The following GSE1 variants were observed in gnomAD, a reference collection of about 807,000 sequenced individuals.
GSE1 encodes the protein genetic suppressor element 1.
A neutral mutation model predicts 112.6 loss-of-function variants in GSE1; 32 were observed. The ratio of observed to expected loss-of-function variants is 0.28; its 90% CI spans 0.21 to 0.38. The LOEUF (loss-of-function observed/expected upper bound fraction) is 0.38. Among genes scored for constraint, GSE1 ranks in the 10% least tolerant of loss-of-function variants. The pLI, the probability that GSE1 is intolerant of heterozygous loss-of-function variation, is 1.00. For synonymous variants in GSE1, 1,115 were observed against 735.6 expected (o/e 1.52, Z -8.35); for missense variants, 2,348 against 1,699.2 (o/e 1.38, Z -6.71).
At chr16:85,305,261 G>A (rs2045645763) in intron 1 of GSE1, among the ~76,000 whole-genome samples, 1 of 152,200 alleles carries the variant, frequency 6.6e-6, no homozygotes, top group African/African-American at 2.4e-5. Context: ...AATCTCTGAC[G>A]ATGGACCCTG....
intron 2 of GSE1, among the ~76,000 whole-genome samples, chr16:85,441,303 C>G (rs1032388043): frequency 6.6e-6 from 1 of 152,098 alleles, no homozygotes; most frequent in African/African-American, 2.4e-5. Context: ...GCCATTTGTC[C>G]GCTGGGGGGC....
At chr16:85,468,863 C>G (rs1422826926) in intron 2 of GSE1, among the ~76,000 whole-genome samples, 1 of 152,228 alleles carries the variant, frequency 6.6e-6, no homozygotes, top group African/African-American at 2.4e-5. Context: ...CCCCAAAATT[C>G]ACGTCTACCA....
At chr16:85,222,700 G>C (rs1341876767) in intron 1 of GSE1, among the ~76,000 whole-genome samples, 2 of 152,154 alleles carry the variant, frequency 1.3e-5, no homozygotes, top group African/African-American at 4.8e-5. Flanking sequence ...AATTAAAAAC[G>C]TGTCTCCGTC....
intron 1 of GSE1, among the ~76,000 whole-genome samples, chr16:85,318,152 G>A (rs552332975): frequency 7.9e-5 from 12 of 152,326 alleles, no homozygotes; most frequent in African/African-American, 1.2e-4. Context: ...GGTGCCCACC[G>A]CCAGGCCCCT....
chr16:85,635,832 C>A (rs1253925895), intron 2 of GSE1, among the ~76,000 whole-genome samples: 1 of 152,204 alleles, frequency 6.6e-6, no homozygotes, highest in African/African-American at 2.4e-5. Flanking sequence ...AGGACGTGGT[C>A]AGGAAAGGGC....
intron 2 of GSE1, among the ~76,000 whole-genome samples, chr16:85,503,231 CTT>C (rs2151916564): frequency 6.6e-6 from 1 of 152,340 alleles, no homozygotes; most frequent in South Asian, 2.1e-4. Flanking sequence ...TTCCCCGTGA[CTT>C]TCTCCAGCAT....
At chr16:85,649,409 C>T (rs186307586) in intron 3 of GSE1, among the ~76,000 whole-genome samples, 4 of 152,344 alleles carry the variant, frequency 2.6e-5, no homozygotes, top group African/African-American at 4.8e-5. Context: ...GATCCCAGCC[C>T]AGACGCTATC....
At chr16:85,353,323 G>A (rs1275017653) in intron 1 of GSE1, among the ~76,000 whole-genome samples, 1 of 152,240 alleles carries the variant, frequency 6.6e-6, no homozygotes, top group Non-Finnish European at 1.5e-5. Context: ...ATACAAGTTC[G>A]TGTGCGGATG....
intron 2 of GSE1, among the ~76,000 whole-genome samples, chr16:85,481,945 G>A (rs1269234863): frequency 6.6e-6 from 1 of 152,262 alleles, no homozygotes; most frequent in African/African-American, 2.4e-5. Context: ...GGACCATACC[G>A]GCCTGCTCCT....
intron 1 of GSE1, among the ~76,000 whole-genome samples, chr16:85,240,456 A>G (rs1005088605): frequency 3.3e-5 from 5 of 152,122 alleles, no homozygotes; most frequent in Admixed American, 1.3e-4. Flanking sequence ...TTCCTCATCA[A>G]CGTCTCTCCT....
chr16:85,589,729 G>T (rs1182827605), intron 1 of GSE1, among the ~76,000 whole-genome samples: 3 of 151,814 alleles, frequency 2.0e-5, no homozygotes, highest in African/African-American at 7.3e-5. Flanking sequence ...GAATGTGACT[G>T]TGTGAATGTG....
intron 2 of GSE1, among the ~76,000 whole-genome samples, chr16:85,640,698 C>G (rs1478226291): frequency 6.6e-6 from 1 of 152,252 alleles, no homozygotes; most frequent in East Asian, 1.9e-4. Flanking sequence ...GAGGCTCCCC[C>G]TTTCTGCCGC....
intron 5 of GSE1, 24 bp from the exon 6 acceptor site, chr16:85,655,702 C>G: frequency 1.9e-6 from 3 of 1,541,760 alleles, no homozygotes; most frequent in Middle Eastern, 1.7e-4. Context: ...ATTTGCTGCT[C>G]ACAGCCCCGT....
At chr16:85,668,936 T>A (rs2053106087) in intron 14 of GSE1, among the ~76,000 whole-genome samples, 1 of 152,246 alleles carries the variant, frequency 6.6e-6, no homozygotes, top group Non-Finnish European at 1.5e-5. Flanking sequence ...TGGTAAAGGC[T>A]TAGTCGAAGG....
chr16:85,475,770 G>GTTTTTCT (rs2050432556), intron 2 of GSE1, among the ~76,000 whole-genome samples: 1 of 30,562 alleles, frequency 3.3e-5, no homozygotes, highest in African/African-American at 7.3e-5. Context: ...TCTTCTAATT[G>GTTTTTCT]TTTTTCTTTT....
chr16:85,369,551 C>A (rs192395924), intron 2 of GSE1, among the ~76,000 whole-genome samples: 114 of 152,256 alleles, frequency 7.5e-4, no homozygotes, highest in African/African-American at 2.5e-3. Flanking sequence ...CCACCACCCA[C>A]TCCTGCCTCC....
intron 1 of GSE1, among the ~76,000 whole-genome samples, chr16:85,269,646 G>A (rs867104212): frequency 6.7e-6 from 1 of 149,180 alleles, no homozygotes; most frequent in Non-Finnish European, 1.5e-5. Context: ...CCTGGCCCCC[G>A]AAGCCCCTCT....
chr16:85,303,013 C>A (rs769061079), intron 1 of GSE1, among the ~76,000 whole-genome samples: 208 of 152,348 alleles, frequency 1.4e-3, no homozygotes, highest in Non-Finnish European at 2.7e-3. Flanking sequence ...GTGACGTCAC[C>A]TCGACCTACA....
chr16:85,399,488 G>T (rs1449415222), intron 2 of GSE1, among the ~76,000 whole-genome samples: 2 of 152,246 alleles, frequency 1.3e-5, no homozygotes, highest in Admixed American at 6.5e-5. Flanking sequence ...CGTTGCTGAT[G>T]CGGTTGTACC....
Sources: allele counts gnomAD v4.1 joint callset (sites outside exome capture counted in the v4.1 genomes callset), GRCh38; gene constraint gnomAD v4.1.1; transcripts MANE v1.5; gene names NCBI Gene and HGNC (gene_info 2026-07-23, HGNC 2026-07-21).